The following RAD18 variants were observed in gnomAD, a reference collection of about 807,000 sequenced individuals.
RAD18 encodes E3 ubiquitin-protein ligase RAD18.
RAD18 carries 47 observed loss-of-function variants against 60.4 expected under a neutral mutation model. The observed-to-expected ratio is 0.78, with a 90% CI of 0.62 to 0.99. RAD18 has a LOEUF of 0.99. RAD18 is among the 50% of genes least tolerant of loss of function. The pLI, the probability that RAD18 is intolerant of heterozygous loss-of-function variation, is 0.00. For synonymous variants in RAD18, 225 were observed against 195.5 expected (o/e 1.15, Z -1.26); for missense variants, 640 against 593.3 (o/e 1.08, Z -0.82).
rs1240894762 is a variant in RAD18 at position 8,925,118 on chromosome 3, A to C, written c.889+10753T>G. 7.9e-5 allele frequency among the ~76,000 whole-genome samples: 12 copies of C among 152,192 alleles called. 1 individual carries two copies. The East Asian group carries it at 2.3e-3, about 29-fold the overall frequency. On this transcript the variant is annotated intron_variant, in intron 7 of 12. Transcript: ENST00000264926. ...AACCCTTCAAAAAATCAATGAATCC[A>C]GGAGCTGGTTTTTTGAAAAAATCAA...
intron 12 of RAD18, among the ~76,000 whole-genome samples, chr3:8,882,432 T>A (rs1413263951): frequency 6.6e-6 from 1 of 151,752 alleles, no homozygotes; most frequent in African/African-American, 2.4e-5. Flanking sequence ...CACGCAGAGG[T>A]TTGGTCAAGT....
At chr3:8,956,244 C>T (rs1941007365) in intron 2 of RAD18, among the ~76,000 whole-genome samples, 1 of 152,134 alleles carries the variant, frequency 6.6e-6, no homozygotes, top group Non-Finnish European at 1.5e-5. Context: ...TACTCTTGTG[C>T]TTTGGGGCTA....
chr3:8,913,114 G>A (rs931697240), intron 8 of RAD18, among the ~76,000 whole-genome samples: 13 of 152,126 alleles, frequency 8.5e-5, no homozygotes, highest in Non-Finnish European at 1.9e-4. Flanking sequence ...TTTCTTCACT[G>A]GTATCCTGTC....
At chr3:8,919,332 A>G (rs1371868159) in intron 7 of RAD18, among the ~76,000 whole-genome samples, 1 of 152,214 alleles carries the variant, frequency 6.6e-6, no homozygotes, top group Non-Finnish European at 1.5e-5. Flanking sequence ...ACAATTTAAA[A>G]AAAAACTTGA....
Position 8,912,360 on chromosome 3 carries a change from T to C in RAD18, c.979A>G (p.Thr327Ala). 3 of 1,557,998 alleles carry C rather than the reference T, an allele frequency of 1.9e-6. No individual in the cohort carries two copies. The highest frequency in any genetic ancestry group is 2.6e-6 in the Non-Finnish European group (3 of 1,152,896). ...ATTTCCTTTTCTGTTTGGTCCTTTG[T>C]AAAAACCATTACCTAAAATAATCAA... ...SKLNESVMVF[T>A]KDQTEKEIDE... is the part of the protein sequence containing the mutation. Residue 327 changes from threonine (T) to alanine (A), a missense_variant, in exon 9 of 13, where the codon ACA becomes GCA. Physicochemically the swap from Thr to Ala is moderately conservative, Grantham distance 58 (BLOSUM62 0). Transcript: ENST00000264926.
At chr3:8,910,231 A>G (rs1238039159) in intron 9 of RAD18, among the ~76,000 whole-genome samples, 2 of 152,364 alleles carry the variant, frequency 1.3e-5, no homozygotes, top group African/African-American at 2.4e-5. Context: ...AAAGTGATTT[A>G]CACTTCTGTT....
chr3:8,927,463 G>C (rs566895897), intron 7 of RAD18, among the ~76,000 whole-genome samples: 2 of 152,294 alleles, frequency 1.3e-5, no homozygotes, highest in South Asian at 4.1e-4. Flanking sequence ...CTGTTGGTGG[G>C]ACTGTAAACT....
At chr3:8,933,395 G>A (rs1940593164) in intron 7 of RAD18, among the ~76,000 whole-genome samples, 1 of 152,114 alleles carries the variant, frequency 6.6e-6, no homozygotes, top group Non-Finnish European at 1.5e-5. Flanking sequence ...TAGAGCAATG[G>A]CTAAATGACA....
chr3:8,895,489 C>T (rs1343588304), intron 11 of RAD18, among the ~76,000 whole-genome samples: 2 of 152,094 alleles, frequency 1.3e-5, no homozygotes, highest in Non-Finnish European at 2.9e-5. Flanking sequence ...ATTCCAATAC[C>T]CTCTAAATTA....
chr3:8,898,200 C>A (rs763256016), intron 11 of RAD18, among the ~76,000 whole-genome samples: 5 of 152,026 alleles, frequency 3.3e-5, no homozygotes, highest in Non-Finnish European at 7.4e-5. Context: ...TAAATTATAG[C>A]GCAGAGACAT....
At position 8,941,471 on chromosome 3, in the gene RAD18, A is replaced by AT; in HGVS notation, c.599_600insA (p.Lys201Ter). The AT allele has an allele frequency of 6.3e-7, 1 of 1,593,228 alleles. No individual in the cohort carries two copies. Among genetic ancestry groups the AT allele is most frequent in the East Asian group, 2.2e-5 (1 of 44,598 alleles). ...CATATGAAAATAACTTCCTACCTTT[A>AT]GTAACTTGTTTCAAAGTGGATGTCG... On this transcript the variant is annotated frameshift_variant, in exon 5 of 13. Coordinates refer to ENST00000264926, the MANE Select transcript of RAD18 (RefSeq NM_020165.4). LOFTEE classifies it high-confidence loss of function.
At chr3:8,915,741 GC>G (rs1940189279) in intron 7 of RAD18, among the ~76,000 whole-genome samples, 2 of 151,868 alleles carry the variant, frequency 1.3e-5, no homozygotes, top group African/African-American at 4.8e-5. Context: ...CTGCCACCAC[GC>G]TCAGCTAATT....
chr3:8,949,951 A>C (rs1041315749), intron 2 of RAD18, among the ~76,000 whole-genome samples: 91 of 152,122 alleles, frequency 6.0e-4, no homozygotes, highest in East Asian at 3.9e-4. Context: ...TTGGAGAAAA[A>C]CCCCCCAGTC....
intron 6 of RAD18, among the ~76,000 whole-genome samples, chr3:8,938,002 A>G (rs1355034261): frequency 6.6e-6 from 1 of 152,210 alleles, no homozygotes; most frequent in Non-Finnish European, 1.5e-5. Context: ...AGGGGAGTCC[A>G]TGCAAGATAA....
chr3:8,905,020 C>T (rs1939980313), intron 9 of RAD18, among the ~76,000 whole-genome samples: 1 of 152,236 alleles, frequency 6.6e-6, no homozygotes, highest in African/African-American at 2.4e-5. Flanking sequence ...CCAATAACCC[C>T]TACTCAGAAA....
chr3:8,919,559 T>C (rs967551155), intron 7 of RAD18, among the ~76,000 whole-genome samples: 3 of 152,240 alleles, frequency 2.0e-5, no homozygotes, highest in African/African-American at 7.2e-5. Context: ...TGGATTTACA[T>C]GTATATATAT....
At chr3:8,881,541 A>G (rs1939462430) in intron 12 of RAD18, 82 bp from the exon 13 acceptor site, 5 of 1,095,164 alleles carry the variant, frequency 4.6e-6, no homozygotes, top group Non-Finnish European at 6.8e-6. Context: ...GTTTTCACAC[A>G]TATTATTTCA....
intron 12 of RAD18, among the ~76,000 whole-genome samples, chr3:8,882,107 G>A (rs977441960): frequency 5.3e-5 from 8 of 150,596 alleles, no homozygotes; most frequent in Non-Finnish European, 8.9e-5. Context: ...ATGGAGAGGG[G>A]CCACTTCAGT....
Position 8,939,603 on chromosome 3 carries a change from G to GT in RAD18, c.654_655insA (p.His219ThrfsTer31). ...TCGCGTGATAAACAGCTGTCTAAAT[G>GT]CTTATTAATGTGACTTTCTGGAATG... On this transcript the variant is annotated frameshift_variant, in exon 6 of 13. Transcript: ENST00000264926. LOFTEE classifies it high-confidence loss of function. The GT allele has an allele frequency of 1.2e-6, 2 of 1,613,180 alleles. No homozygotes were observed. The highest frequency in any genetic ancestry group is 2.2e-5 in the South Asian group (2 of 90,992).
Sources: gnomAD v4.1 joint callset for allele counts (sites outside exome capture counted in the v4.1 genomes callset) on GRCh38, gnomAD v4.1.1 for gene constraint, MANE v1.5 for transcripts, NCBI Gene and HGNC (gene_info 2026-07-23, HGNC 2026-07-21) for gene names.